Variants in FER observed in about 807,000 individuals in gnomAD.
FER encodes the protein FER tyrosine kinase.
Under a neutral mutation model 111.0 loss-of-function variants are expected in FER, and 63 were observed. That is an observed-to-expected ratio of 0.57 (90% CI 0.46 to 0.70). The LOEUF is 0.70. Among genes scored for constraint, FER ranks in the 30% least tolerant of loss-of-function variants. The probability of loss-of-function intolerance (pLI) is 0.00; values close to 1 mark genes in which losing one functional copy is unlikely to be tolerated. For missense variants in FER, 914 were observed against 954.0 expected, an observed-to-expected ratio of 0.96 and a Z score of 0.55; for synonymous variants, 327 against 313.9, an observed-to-expected ratio of 1.04 and a Z score of -0.44.
chr5:108,946,238 T>A lies in FER; in HGVS notation c.1329+16T>A. On this transcript the variant is annotated intron_variant, in intron 11 of 19. Transcript: ENST00000281092. ...CTCTTCAGCAGTAAGTAGGATTAAC[T>A]CTCTGTGCTACTGAAAATGGTCATT... The A allele has an allele frequency of 1.9e-6, 3 of 1,565,696 alleles. No individual in the cohort carries two copies. The highest frequency in any genetic ancestry group is 2.6e-6 in the Non-Finnish European group (3 of 1,137,714).
chr5:108,776,610 C>G (rs773783126), intron 2 of FER, among the ~76,000 whole-genome samples: 42 of 152,080 alleles, frequency 2.8e-4, no homozygotes, highest in Non-Finnish European at 5.3e-4. Flanking sequence ...AACTAGTTAT[C>G]TGTTTTACAT....
chr5:108,831,647 A>G (rs1444684321), intron 3 of FER, among the ~76,000 whole-genome samples: 1 of 152,190 alleles, frequency 6.6e-6, no homozygotes. Context: ...AAAACATACA[A>G]TGCAGTGTAT....
At chr5:108,765,655 T>C (rs899011700) in intron 1 of FER, among the ~76,000 whole-genome samples, 14 of 152,176 alleles carry the variant, frequency 9.2e-5, no homozygotes, top group Admixed American at 8.5e-4. Flanking sequence ...CTTAGGTCTG[T>C]GGAAATAACC....
intron 13 of FER, among the ~76,000 whole-genome samples, chr5:109,007,017 ATGT>A (rs1185455601): frequency 2.0e-5 from 3 of 152,132 alleles, no homozygotes; most frequent in African/African-American, 7.2e-5. Flanking sequence ...TTATATTCTG[ATGT>A]TGTTCAGAGG....
At chr5:108,962,573 G>A (rs1187464759) in intron 13 of FER, among the ~76,000 whole-genome samples, 1 of 152,162 alleles carries the variant, frequency 6.6e-6, no homozygotes, top group Non-Finnish European at 1.5e-5. Flanking sequence ...TTAGTGTAGT[G>A]TATTTCCAGT....
chr5:109,051,904 G>A, intron 16 of FER: 1 of 1,568,162 alleles, frequency 6.4e-7, no homozygotes, highest in South Asian at 1.1e-5. Context: ...TCTTTTGCAA[G>A]TGTGAACAGC....
At chr5:108,862,501 G>T (rs1763626199) in intron 5 of FER, among the ~76,000 whole-genome samples, 1 of 152,074 alleles carries the variant, frequency 6.6e-6, no homozygotes, top group Admixed American at 6.6e-5. Context: ...GTCTTCTGAA[G>T]TTAGACTAAA....
intron 13 of FER, among the ~76,000 whole-genome samples, chr5:109,027,651 G>T (rs1768946837): frequency 6.6e-6 from 1 of 152,046 alleles, no homozygotes; most frequent in Non-Finnish European, 1.5e-5. Context: ...AAAGAGATTT[G>T]GCAGCGGTTG....
intron 17 of FER, among the ~76,000 whole-genome samples, chr5:109,125,912 C>G (rs1751657797): frequency 6.6e-6 from 1 of 152,128 alleles, no homozygotes; most frequent in African/African-American, 2.4e-5. Flanking sequence ...TGTTCTTCTC[C>G]TTTGTCAGAA....
intron 17 of FER, among the ~76,000 whole-genome samples, chr5:109,116,500 C>T (rs1274895663): frequency 6.6e-6 from 1 of 151,088 alleles, no homozygotes; most frequent in Non-Finnish European, 1.5e-5. Context: ...TATATTTTGA[C>T]AATGTGTATG....
intron 6 of FER, among the ~76,000 whole-genome samples, chr5:108,869,120 CT>C (rs1226151887): frequency 6.6e-6 from 1 of 151,998 alleles, no homozygotes; most frequent in Non-Finnish European, 1.5e-5. Flanking sequence ...GCCAAAGTAA[CT>C]GTTAAAGGTA....
At chr5:109,120,323 G>T (rs996073117) in intron 17 of FER, among the ~76,000 whole-genome samples, 1 of 152,134 alleles carries the variant, frequency 6.6e-6, no homozygotes, top group East Asian at 1.9e-4. Flanking sequence ...TCTGCACATG[G>T]ATCTCCAGTT....
rs112226373 is a variant in FER, at chr5:108,782,287, A to AT, written c.-60+14063dup. ...TAGGATGGCCTAGTGACTTCCAAGT[A>AT]TTTTTTTTTTTTTTAAGAGATGAAA... On this transcript the variant is annotated intron_variant, in intron 2 of 19. Coordinates refer to ENST00000281092, the MANE Select transcript of FER (RefSeq NM_005246.4). Among the ~76,000 whole-genome samples, 1,050 of 145,094 alleles carry AT rather than the reference A, an allele frequency of 7.2e-3. 13 individuals carry two copies. Among genetic ancestry groups the AT allele is most frequent in the African/African-American group, 0.024 (935 of 39,774 alleles).
intron 13 of FER, among the ~76,000 whole-genome samples, chr5:109,003,008 C>A (rs1437147623): frequency 1.3e-5 from 2 of 152,168 alleles, no homozygotes; most frequent in African/African-American, 4.8e-5. Flanking sequence ...CACTTTTTTA[C>A]ACTGTTGGTG....
At chr5:108,845,018 A>ATATG (rs1761801118) in intron 5 of FER, among the ~76,000 whole-genome samples, 21 of 53,342 alleles carry the variant, frequency 3.9e-4, no homozygotes, top group Admixed American at 7.8e-4. Flanking sequence ...ATATATATAT[A>ATATG]TATATATATA....
chr5:109,123,962 G>C (rs1751340861), intron 17 of FER, among the ~76,000 whole-genome samples: 1 of 152,132 alleles, frequency 6.6e-6, no homozygotes, highest in African/African-American at 2.4e-5. Context: ...TGGCGCAGTG[G>C]CTCATGCCTG....
chr5:109,133,897 A>C (rs1752623561), intron 17 of FER, among the ~76,000 whole-genome samples: 1 of 152,126 alleles, frequency 6.6e-6, no homozygotes, highest in Non-Finnish European at 1.5e-5. Context: ...GTTCTTAAAG[A>C]CTAGCATTTT....
chr5:108,870,647 G>A (rs1764513433), intron 6 of FER, among the ~76,000 whole-genome samples: 1 of 151,622 alleles, frequency 6.6e-6, no homozygotes, highest in African/African-American at 2.4e-5. Flanking sequence ...TAATGATGGT[G>A]GAAAAGAAAA....
chr5:108,805,258 A>G (rs367931243), intron 3 of FER, among the ~76,000 whole-genome samples: 18 of 152,186 alleles, frequency 1.2e-4, no homozygotes, highest in Admixed American at 2.6e-4. Context: ...CGTCATCCAC[A>G]TAAGACGTGA....
Sources: allele counts gnomAD v4.1 joint callset (sites outside exome capture counted in the v4.1 genomes callset), GRCh38; gene constraint gnomAD v4.1.1; transcripts MANE v1.5; gene names NCBI Gene and HGNC (gene_info 2026-07-23, HGNC 2026-07-21).